RXFP1: variants seen among roughly 807,000 people sequenced by gnomAD.
RXFP1 encodes the protein relaxin family peptide receptor 1.
A neutral mutation model predicts 89.8 loss-of-function variants in RXFP1; 73 were observed. The observed-to-expected ratio is 0.81, with a 90% CI of 0.67 to 0.99. The LOEUF is 0.99. RXFP1 is among the 50% of genes least tolerant of loss of function. RXFP1 has a pLI of 0.00. For missense variants in RXFP1, 793 were observed against 895.5 expected (o/e 0.89, Z 1.46); for synonymous variants, 277 against 305.5 (o/e 0.91, Z 0.97).
At chr4:158,529,020 C>T (rs1743304054) in intron 1 of RXFP1, among the ~76,000 whole-genome samples, 1 of 152,186 alleles carries the variant, frequency 6.6e-6, no homozygotes, top group Non-Finnish European at 1.5e-5. Flanking sequence ...GTTTTCTTCC[C>T]TCTCCCCACC....
At chr4:158,649,954 A>G (rs1180634520) in intron 17 of RXFP1, among the ~76,000 whole-genome samples, 14 of 152,270 alleles carry the variant, frequency 9.2e-5, no homozygotes, top group Admixed American at 9.2e-4. Context: ...TCATTGCAGC[A>G]TTATTCACAA....
intron 2 of RXFP1, among the ~76,000 whole-genome samples, chr4:158,573,366 G>A (rs1334727394): frequency 6.6e-6 from 1 of 152,140 alleles, no homozygotes; most frequent in Non-Finnish European, 1.5e-5. Context: ...GCGAGTGGTG[G>A]TTGCTCACAG....
intron 9 of RXFP1, among the ~76,000 whole-genome samples, chr4:158,617,907 A>T (rs1764902620): frequency 6.6e-6 from 1 of 152,174 alleles, no homozygotes; most frequent in African/African-American, 2.4e-5. Context: ...ACAAATGTCA[A>T]ATTAAAAGGA....
intron 11 of RXFP1, among the ~76,000 whole-genome samples, chr4:158,631,508 G>A (rs1233200112): frequency 6.6e-6 from 1 of 152,112 alleles, no homozygotes; most frequent in Non-Finnish European, 1.5e-5. Flanking sequence ...GTTGTAGTAT[G>A]ATGTTATATG....
At chr4:158,637,043 G>C (rs1350566622) in intron 12 of RXFP1, among the ~76,000 whole-genome samples, 1 of 152,114 alleles carries the variant, frequency 6.6e-6, no homozygotes, top group Admixed American at 6.5e-5. Flanking sequence ...ATGTCCTCCA[G>C]ATTCATTCAT....
At chr4:158,638,209 A>G in intron 13 of RXFP1, 130 bp downstream of exon 13, 1 of 558,474 alleles carries the variant, frequency 1.8e-6, no homozygotes, top group Non-Finnish European at 3.2e-6. Context: ...CCACAAAAAC[A>G]TATGGGTGCT....
At chr4:158,622,839 A>C (rs1765883765) in intron 9 of RXFP1, among the ~76,000 whole-genome samples, 1 of 152,198 alleles carries the variant, frequency 6.6e-6, no homozygotes, top group Admixed American at 6.5e-5. Context: ...ATTTGCTAAA[A>C]GGGTAGAGTT....
intron 3 of RXFP1, among the ~76,000 whole-genome samples, chr4:158,593,706 C>CA (rs1759992375): frequency 6.6e-6 from 1 of 152,116 alleles, no homozygotes; most frequent in East Asian, 1.9e-4. Flanking sequence ...AAATTTATTT[C>CA]AAAAAAGACT....
chr4:158,568,823 G>A (rs1754410315), intron 1 of RXFP1, among the ~76,000 whole-genome samples: 1 of 152,082 alleles, frequency 6.6e-6, no homozygotes, highest in Non-Finnish European at 1.5e-5. Context: ...AAGAAGTCCC[G>A]CTATACTTCA....
intron 17 of RXFP1, 21 bp from the exon 18 acceptor site, chr4:158,651,736 T>C (rs1772771694): frequency 1.3e-6 from 2 of 1,567,676 alleles, no homozygotes; most frequent in Admixed American, 3.7e-5. Context: ...ACACTAAAAC[T>C]ATTTCATTTT....
intron 1 of RXFP1, among the ~76,000 whole-genome samples, chr4:158,545,623 T>G (rs1451878879): frequency 1.3e-5 from 2 of 152,212 alleles, no homozygotes; most frequent in African/African-American, 4.8e-5. Context: ...AATTAATTTT[T>G]GTATAGGGTG....
intron 2 of RXFP1, among the ~76,000 whole-genome samples, chr4:158,584,367 G>T (rs1211572759): frequency 6.6e-6 from 1 of 151,748 alleles, no homozygotes; most frequent in Non-Finnish European, 1.5e-5. Flanking sequence ...CTGGGAGGTG[G>T]AGGTTGCAGT....
chr4:158,600,694 G>A (rs1308870261), intron 4 of RXFP1, among the ~76,000 whole-genome samples: 1 of 151,918 alleles, frequency 6.6e-6, no homozygotes, highest in Non-Finnish European at 1.5e-5. Context: ...CAGGTATGAT[G>A]GCCCACACCT....
chr4:158,553,352 T>G (rs957154771), intron 1 of RXFP1, among the ~76,000 whole-genome samples: 1 of 152,216 alleles, frequency 6.6e-6, no homozygotes, highest in African/African-American at 2.4e-5. Flanking sequence ...CACAACAGCA[T>G]GTTTTCAGGG....
intron 1 of RXFP1, 56 bp from the exon 2 acceptor site, chr4:158,572,642 G>C: frequency 6.7e-7 from 1 of 1,501,488 alleles, no homozygotes; most frequent in Non-Finnish European, 9.3e-7. Flanking sequence ...ACTGCTCTTT[G>C]CCACGCCTTT....
intron 1 of RXFP1, among the ~76,000 whole-genome samples, chr4:158,529,005 T>G (rs752539725): frequency 3.3e-5 from 5 of 152,198 alleles, no homozygotes; most frequent in Non-Finnish European, 7.3e-5. Context: ...ATCCCTAACC[T>G]TACTGTTTTC....
chr4:158,553,220 T>C (rs1750554801), intron 1 of RXFP1, among the ~76,000 whole-genome samples: 1 of 152,174 alleles, frequency 6.6e-6, no homozygotes. Flanking sequence ...GACACCAGTA[T>C]GGAAATTTTT....
chr4:158,612,356 T>C lies in RXFP1; in HGVS notation c.674T>C (p.Ile225Thr). ...ACATTTTATGGACTAAATTCTCTTATTCTCTTGTAAGTACTAAACTAAAGC... is the reference window on the plus strand; with the variant it reads ...ACATTTTATGGACTAAATTCTCTTACTCTCTTGTAAGTACTAAACTAAAGC... The part of the protein sequence containing the change: ...PPTFYGLNSL[I>T]LLVLMNNVLT... The change falls in exon 8 of 18, where the codon ATT becomes ACT. Residue 225 changes from isoleucine to threonine, a missense_variant. By Grantham distance (89) the Ile-to-Thr change is moderately conservative (BLOSUM62 -1). Coordinates refer to ENST00000307765, the MANE Select transcript of RXFP1 (RefSeq NM_021634.4). 2 of 1,602,658 alleles carry C rather than the reference T, an allele frequency of 1.2e-6. No individual in the cohort carries two copies. Among genetic ancestry groups the C allele is most frequent in the Non-Finnish European group, 1.7e-6 (2 of 1,170,808 alleles).
intron 1 of RXFP1, among the ~76,000 whole-genome samples, chr4:158,568,359 C>T (rs556173213): frequency 1.3e-5 from 2 of 152,188 alleles, no homozygotes; most frequent in African/African-American, 4.8e-5. Context: ...AGATAATATT[C>T]AGAAAAGTTA....
Sources: gnomAD v4.1 joint callset for allele counts (sites outside exome capture counted in the v4.1 genomes callset) on GRCh38, gnomAD v4.1.1 for gene constraint, MANE v1.5 for transcripts, NCBI Gene and HGNC (gene_info 2026-07-23, HGNC 2026-07-21) for gene names.